Variants in PAM observed in about 807,000 individuals in gnomAD.
The protein encoded by PAM is peptidylglycine alpha-amidating monooxygenase.
A neutral mutation model predicts 122.1 loss-of-function variants in PAM; 72 were observed. That is an observed-to-expected ratio of 0.59 (90% CI 0.49 to 0.72). The LOEUF is 0.72. Among genes scored for constraint, PAM ranks in the 30% least tolerant of loss-of-function variants. PAM has a pLI of 0.00. For missense variants in PAM, 1,106 were observed against 1,183.7 expected (o/e 0.93, Z 0.96); for synonymous variants, 389 against 404.4 (o/e 0.96, Z 0.46).
downstream of PAM, chr5:103,030,170 T>C (rs1215695141): frequency 6.6e-6 from 1 of 152,190 alleles, no homozygotes; most frequent in African/African-American, 2.4e-5. Flanking sequence ...AGCAGAAGGA[T>C]TGTTTGAGCC....
chr5:103,027,643 T>A (rs528782047), intron 24 of PAM, among the ~76,000 whole-genome samples: 1 of 152,330 alleles, frequency 6.6e-6, no homozygotes, highest in East Asian at 1.9e-4. Flanking sequence ...TTCACTTATG[T>A]CTTACATAAA....
At chr5:102,845,687 G>T (rs1018053827) in intron 1 of PAM, among the ~76,000 whole-genome samples, 2 of 152,126 alleles carry the variant, frequency 1.3e-5, no homozygotes, top group African/African-American at 4.8e-5. Flanking sequence ...TTACTGAATA[G>T]CATGAAAACA....
At chr5:102,840,512 ATAG>A (rs1778299667) in intron 1 of PAM, among the ~76,000 whole-genome samples, 1 of 152,198 alleles carries the variant, frequency 6.6e-6, no homozygotes, top group South Asian at 2.1e-4. Flanking sequence ...AGATTATGTA[ATAG>A]TAGTAGTAGT....
At chr5:102,809,741 A>G (rs1415416597) in intron 1 of PAM, among the ~76,000 whole-genome samples, 5 of 152,242 alleles carry the variant, frequency 3.3e-5, no homozygotes, top group Non-Finnish European at 7.3e-5. Flanking sequence ...GAGAGGGTGA[A>G]ACATTGCTTA....
At chr5:102,833,457 T>C (rs929138908) in intron 1 of PAM, among the ~76,000 whole-genome samples, 4 of 152,072 alleles carry the variant, frequency 2.6e-5, no homozygotes, top group African/African-American at 9.7e-5. Context: ...TACATGAAGG[T>C]CATCAGGGCT....
chr5:102,804,984 A>T (rs1765809350), intron 1 of PAM, among the ~76,000 whole-genome samples: 2 of 152,022 alleles, frequency 1.3e-5, no homozygotes, highest in South Asian at 4.1e-4. Context: ...GATGAGATTT[A>T]TAATACTTTT....
chr5:102,979,205 A>G (rs1768887417), intron 15 of PAM, among the ~76,000 whole-genome samples: 1 of 152,190 alleles, frequency 6.6e-6, no homozygotes, highest in African/African-American at 2.4e-5. Context: ...GTATTCAGCC[A>G]GTTTGACCAA....
chr5:102,950,657 C>T (rs1311998516), intron 11 of PAM, 60 bp from the exon 12 acceptor site: 5 of 1,009,898 alleles, frequency 5.0e-6, no homozygotes, highest in Non-Finnish European at 7.8e-6. Flanking sequence ...CACAGTCAAA[C>T]ATGTAGTTCT....
At chr5:103,001,168 G>T (rs1418472387) in intron 16 of PAM, among the ~76,000 whole-genome samples, 1 of 152,058 alleles carries the variant, frequency 6.6e-6, no homozygotes, top group Non-Finnish European at 1.5e-5. Context: ...AAAAATAAAA[G>T]ATTATTAATG....
At chr5:102,891,541 C>T (rs1408763811) in intron 3 of PAM, among the ~76,000 whole-genome samples, 3 of 151,920 alleles carry the variant, frequency 2.0e-5, no homozygotes, top group Middle Eastern at 3.4e-3. Flanking sequence ...AAATATATGA[C>T]TCCATCACTA....
intron 8 of PAM, among the ~76,000 whole-genome samples, chr5:102,947,426 G>C (rs1434968719): frequency 1.3e-5 from 2 of 152,142 alleles, no homozygotes; most frequent in Non-Finnish European, 2.9e-5. Flanking sequence ...ACTCAGGAAT[G>C]GAAAACCAAA....
intron 23 of PAM, among the ~76,000 whole-genome samples, chr5:103,020,059 T>A (rs1350619687): frequency 6.6e-6 from 1 of 152,130 alleles, no homozygotes; most frequent in East Asian, 1.9e-4. Flanking sequence ...AAATTACTGA[T>A]TTCAAGTGAT....
At chr5:102,944,681 T>C (rs1360833728) in intron 7 of PAM, among the ~76,000 whole-genome samples, 1 of 152,254 alleles carries the variant, frequency 6.6e-6, no homozygotes, top group East Asian at 1.9e-4. Context: ...CTAAAAGTCA[T>C]GGAAGGACCC....
intron 1 of PAM, among the ~76,000 whole-genome samples, chr5:102,791,689 A>G (rs2149998931): frequency 6.6e-6 from 1 of 152,268 alleles, no homozygotes; most frequent in East Asian, 1.9e-4. Context: ...CTCTTTAGAT[A>G]GCTAACTTTA....
intron 1 of PAM, among the ~76,000 whole-genome samples, chr5:102,787,384 A>T (rs1760815808): frequency 6.6e-6 from 1 of 151,964 alleles, no homozygotes; most frequent in Non-Finnish European, 1.5e-5. Flanking sequence ...TATTTTCTGT[A>T]CCTTTCACTA....
intron 14 of PAM, 37 bp downstream of exon 14, chr5:102,961,266 G>A (rs1468176467): frequency 8.6e-7 from 1 of 1,168,698 alleles, no homozygotes; most frequent in South Asian, 1.3e-5. Context: ...TCCTATAAAA[G>A]TATCAATTTC....
intron 16 of PAM, among the ~76,000 whole-genome samples, chr5:102,999,222 GT>G (rs1212881371): frequency 2.0e-5 from 3 of 152,230 alleles, no homozygotes; most frequent in African/African-American, 7.2e-5. Flanking sequence ...CCCCATCCAA[GT>G]CCAGAATCCA....
chr5:102,776,762 AG>A (rs1329623647), intron 1 of PAM, among the ~76,000 whole-genome samples: 7 of 152,246 alleles, frequency 4.6e-5, no homozygotes, highest in African/African-American at 1.7e-4. Context: ...CCCTTTTTAT[AG>A]TACTACAATA....
intron 3 of PAM, among the ~76,000 whole-genome samples, chr5:102,897,850 G>A (rs73175432): frequency 9.2e-5 from 14 of 151,614 alleles, no homozygotes; most frequent in African/African-American, 3.1e-4. Context: ...AAAAATTACT[G>A]GTTTTATGTG....
Sources: gnomAD v4.1 joint callset for allele counts (sites outside exome capture counted in the v4.1 genomes callset) on GRCh38, gnomAD v4.1.1 for gene constraint, MANE v1.5 for transcripts, NCBI Gene and HGNC (gene_info 2026-07-23, HGNC 2026-07-21) for gene names.